The following LTA4H variants were observed in gnomAD, a reference collection of about 807,000 sequenced individuals.
The protein encoded by LTA4H is leukotriene A-4 hydrolase.
Under a neutral mutation model 89.8 loss-of-function variants are expected in LTA4H, and 59 were observed. The observed-to-expected ratio is 0.66, with a 90% CI of 0.53 to 0.82. LTA4H has a LOEUF of 0.82. Ranked by LOEUF, LTA4H falls within the 40% of genes least tolerant of loss-of-function variation. The pLI, the probability that LTA4H is intolerant of heterozygous loss-of-function variation, is 0.00. For synonymous variants in LTA4H, 227 were observed against 253.1 expected (o/e 0.90, Z 0.98); for missense variants, 617 against 727.0 (o/e 0.85, Z 1.74).
At chr12:96,041,197 ATTT>A (rs954409766) in intron 1 of LTA4H, among the ~76,000 whole-genome samples, 16 of 152,108 alleles carry the variant, frequency 1.1e-4, no homozygotes, top group African/African-American at 3.9e-4. Context: ...TGCTTTTATG[ATTT>A]TTTAAATCTG....
At chr12:96,036,066 A>G (rs1026604509), upstream of LTA4H, among the ~76,000 whole-genome samples, 3 of 151,988 alleles carry the variant, frequency 2.0e-5, no homozygotes, top group East Asian at 1.9e-4. Flanking sequence ...CACGCGGGAG[A>G]CCGGGGTTCG....
rs898497092 is a variant in LTA4H, at chr12:96,041,798, C to G, written c.87+1491G>C. ...CTGGGACTACAGGCGCCCGCCACCA[C>G]GCCCAGCTAATTTTTTGTATTTCTA... On this transcript the variant is annotated intron_variant, in intron 1 of 17. Transcript: ENST00000413268. 2.6e-5 allele frequency among the ~76,000 whole-genome samples: 4 copies of G among 151,994 alleles called. No homozygotes were observed. In the East Asian group the frequency reaches 7.8e-4, roughly 30 times the overall value.
intron 14 of LTA4H, chr12:96,010,775 T>A (rs904126170): frequency 1.3e-5 from 2 of 152,128 alleles, no homozygotes; most frequent in African/African-American, 4.8e-5. Context: ...CTGGGAGAAG[T>A]CAGAACAGAT....
At position 96,030,492 on chromosome 12, in the gene LTA4H, A is replaced by G. The variant is rs572206513; in HGVS notation, c.160-1307T>C. On this transcript the variant is annotated intron_variant, in intron 1 of 18. Coordinates refer to ENST00000228740, the MANE Select transcript of LTA4H (RefSeq NM_000895.3). ...TAAAAATTCCAAAAATGATTTTTAT[A>G]CTCCCTGAATCAGATTTCTCCCCAG... Among the ~76,000 whole-genome samples the G allele has an allele frequency of 5.3e-5, 8 of 152,236 alleles. No individual in the cohort carries two copies. In the East Asian group the frequency reaches 1.5e-3, roughly 29 times the overall value.
In LTA4H at chr12:96,015,103, G is replaced by A. The variant is rs923491834; in HGVS notation, c.1060-104C>T. 1.9e-5 allele frequency: 20 copies of A among 1,061,502 alleles called. No homozygotes were observed. In the Admixed American group the frequency reaches 4.9e-4, roughly 26 times the overall value. The allele number at this position is 1,061,502 out of a possible 1,614,324, so 65.8% of individuals were successfully genotyped here. A position where few individuals can be genotyped will look rare whatever the true frequency, so the allele number is the denominator to read the frequency against. ...ACTTCACTCAGTGGTGTAACTTTAGGGGAATCTAAAACTTGGAGACTGGAA... is the reference window on the plus strand; with the variant it reads ...ACTTCACTCAGTGGTGTAACTTTAGAGGAATCTAAAACTTGGAGACTGGAA... On this transcript the variant is annotated intron_variant, in intron 11 of 18. Coordinates refer to ENST00000228740, the MANE Select transcript of LTA4H (RefSeq NM_000895.3).
At chr12:96,023,547 G>C (rs1950478219) in intron 4 of LTA4H, among the ~76,000 whole-genome samples, 1 of 152,136 alleles carries the variant, frequency 6.6e-6, no homozygotes, top group Non-Finnish European at 1.5e-5. Context: ...TTGCCTCCAA[G>C]TATAATATAT....
chr12:96,003,938 A>C lies in LTA4H; in HGVS notation c.1531-18T>G. ...AGAGGTGCCTAAGAGCAAAATAAAG[A>C]AGTATACCGTATCATTTCAACAGGA... On this transcript the variant is annotated intron_variant, in intron 16 of 18. Coordinates refer to ENST00000228740, the MANE Select transcript of LTA4H (RefSeq NM_000895.3). 6.6e-7 allele frequency: 1 copy of C among 1,519,300 alleles called. No homozygotes were observed. The highest frequency in any genetic ancestry group is 9.1e-7 in the Non-Finnish European group (1 of 1,100,094). 94.1% of individuals were successfully genotyped at this position (1,519,300 alleles called of 1,614,324 possible). A position where few individuals can be genotyped will look rare whatever the true frequency, so the allele number is the denominator to read the frequency against.
intron 14 of LTA4H, chr12:96,010,357 C>T (rs978310903): frequency 5.9e-5 from 9 of 151,976 alleles, no homozygotes. Flanking sequence ...TTTAATCATA[C>T]GAATAAATAA....
chr12:96,003,808 C>G (rs749889701), intron 17 of LTA4H, 30 bp downstream of exon 17: 4 of 1,524,428 alleles, frequency 2.6e-6, no homozygotes, highest in Non-Finnish European at 3.6e-6. Context: ...TTTCTGCTTT[C>G]TTCCACAGAG....
upstream of LTA4H, chr12:96,035,679 G>T (rs1034397991): frequency 1.4e-6 from 2 of 1,424,050 alleles, no homozygotes; most frequent in Non-Finnish European, 1.8e-6. Context: ...GACGAGCGTT[G>T]GGGGATGGGT....
chr12:96,012,442 T>C (rs563005691), intron 14 of LTA4H: 1 of 152,584 alleles, frequency 6.6e-6, no homozygotes, highest in Admixed American at 6.5e-5. Flanking sequence ...CCGGGCACGG[T>C]GGCTCACGCC....
upstream of LTA4H, among the ~76,000 whole-genome samples, chr12:96,036,426 T>TAA (rs1457691690): frequency 2.0e-5 from 3 of 152,196 alleles, no homozygotes; most frequent in Non-Finnish European, 4.4e-5. Flanking sequence ...AGGTGGCCTT[T>TAA]TAATCCTGGG....
chr12:96,022,205 T>C lies in LTA4H; in HGVS notation c.527A>G (p.Asp176Gly), dbSNP rs1436188441. 12 of 1,614,002 alleles carry C rather than the reference T, an allele frequency of 7.4e-6. No homozygotes were observed. Among genetic ancestry groups the C allele is most frequent in the Non-Finnish European group, 1.0e-5 (12 of 1,179,926 alleles). The change falls in exon 5 of 19, where the codon GAT becomes GGT. Residue 176 changes from aspartate to glycine, a missense_variant. By Grantham distance (94) the Asp-to-Gly change is moderately conservative (BLOSUM62 -1). Around this residue, in one of 3 missense-constraint regions of LTA4H, gnomAD observed 172 missense variants for 244.5 expected, o/e 0.70. Transcript: ENST00000228740. The surrounding 1 kb of genome is among the most constrained non-coding windows in gnomAD (Gnocchi z 4.0). ...ELVALMSAIRDGETPDPEDPS... is the reference protein window; with the variant it reads ...ELVALMSAIRGGETPDPEDPS... ...GTCTTCTGGGTCAGGTGTTTCTCCA[T>C]CACGAATAGCACTCATAAGTGCCAC...
At position 96,015,035 on chromosome 12, in the gene LTA4H, A is replaced by G. The variant is rs137982938; in HGVS notation, c.1060-36T>C. On this transcript the variant is annotated intron_variant, in intron 11 of 18. Transcript: ENST00000228740. ...TGAAATAACATGGAGAAACATATAG[A>G]AAGACTGCTATCACCACGCAAATAA... is the stretch of plus-strand genomic sequence containing the variant. 8.2e-4 allele frequency: 1,303 copies of G among 1,594,750 alleles called. 13 individuals carry two copies. The African/African-American group carries it at 0.015, about 19-fold the overall frequency.
At position 96,004,988 on chromosome 12, in the gene LTA4H, G is replaced by A. The variant is rs77669339; in HGVS notation, c.1531-1068C>T. Among the ~76,000 whole-genome samples, 655 of 152,178 alleles carry A rather than the reference G, an allele frequency of 4.3e-3. 4 individuals are homozygous for A. Among genetic ancestry groups the A allele is most frequent in the Middle Eastern group, 0.024 (7 of 294 alleles). On this transcript the variant is annotated intron_variant, in intron 16 of 18. Transcript: ENST00000228740. ...CTCTCTTTGATGGGTCCTTTGTTGC[G>A]TCAAAATCCTATTCCTAATTTTTGC...
rs200117634 is a variant in LTA4H, at chr12:96,002,947, A to C, written c.1718+13T>G. 1.5e-4 allele frequency: 233 copies of C among 1,553,350 alleles called. 3 individuals are homozygous for C. The East Asian group carries it at 5.2e-3, about 35-fold the overall frequency. ...TTAGATGAATTCAAAGTACGGTCTG[A>C]GTGGGTTCTTACTTGAATAAGGGCC... On this transcript the variant is annotated intron_variant, in intron 18 of 18. Coordinates refer to ENST00000228740, the MANE Select transcript of LTA4H (RefSeq NM_000895.3).
In LTA4H at chr12:96,043,425, C is replaced by A. The variant is rs1194432118; in HGVS notation, c.-50G>T. ...GACAGGAGGAGAGAAAATAAACTCC[C>A]AAGCCCATGCATCCTCTTGCCCTCT... On this transcript the variant is annotated 5_prime_UTR_variant, in exon 1 of 18. Coordinates refer to the LTA4H transcript ENST00000413268. 7.2e-6 allele frequency: 8 copies of A among 1,107,564 alleles called. No homozygotes were observed. The South Asian group carries it at 9.3e-5, about 13-fold the overall frequency. 68.6% of individuals were successfully genotyped at this position (1,107,564 alleles called of 1,614,324 possible). A position where few individuals can be genotyped will look rare whatever the true frequency, so the allele number is the denominator to read the frequency against.
intron 1 of LTA4H, among the ~76,000 whole-genome samples, chr12:96,031,678 G>C (rs1950575232): frequency 6.6e-6 from 1 of 152,046 alleles, no homozygotes; most frequent in Non-Finnish European, 1.5e-5. Flanking sequence ...TTTTGCACAG[G>C]CTGGTAGGAA....
intron 9 of LTA4H, 91 bp downstream of exon 9, chr12:96,017,466 T>C (rs1950395262): frequency 8.8e-7 from 1 of 1,135,134 alleles, no homozygotes; most frequent in South Asian, 1.3e-5. Flanking sequence ...ATTATAACCA[T>C]ATCTTTAACA....
Sources: gnomAD v4.1 joint callset for allele counts (sites outside exome capture counted in the v4.1 genomes callset) on GRCh38, gnomAD v4.1.1 for gene constraint, gnomAD v4.1.1 regional missense constraint, Gnocchi (gnomAD v3.1) non-coding constraint, MANE v1.5 for transcripts, NCBI Gene and HGNC (gene_info 2026-07-23, HGNC 2026-07-21) for gene names.